The following ROCK1 variants were observed in gnomAD, a reference collection of about 807,000 sequenced individuals.
ROCK1 encodes the protein rho-associated protein kinase 1.
ROCK1 carries 36 observed loss-of-function variants against 196.8 expected under a neutral mutation model. The observed-to-expected ratio is 0.18, with a 90% CI of 0.14 to 0.24. ROCK1 has a LOEUF of 0.24. Among genes scored for constraint, ROCK1 ranks in the 10% least tolerant of loss-of-function variants. ROCK1 has a pLI of 1.00. For synonymous variants in ROCK1, 443 were observed against 515.9 expected, an observed-to-expected ratio of 0.86 and a Z score of 1.91; for missense variants, 920 against 1,562.0, an observed-to-expected ratio of 0.59 and a Z score of 6.93.
intron 16 of ROCK1, among the ~76,000 whole-genome samples, chr18:21,004,887 G>A (rs1175362005): frequency 2.6e-5 from 4 of 152,134 alleles, no homozygotes; most frequent in Non-Finnish European, 5.9e-5. Flanking sequence ...AAATATGATT[G>A]CACAACACTC....
At chr18:21,091,225 T>C (rs2036567328) in intron 1 of ROCK1, among the ~76,000 whole-genome samples, 1 of 152,180 alleles carries the variant, frequency 6.6e-6, no homozygotes, top group East Asian at 1.9e-4. Flanking sequence ...CTCCACTTAA[T>C]GAATAGTAAA....
At chr18:20,977,601 T>C (rs943369205) in intron 22 of ROCK1, among the ~76,000 whole-genome samples, 1 of 152,202 alleles carries the variant, frequency 6.6e-6, no homozygotes, top group African/African-American at 2.4e-5. Flanking sequence ...TTACTAATAA[T>C]TGGATAGCTG....
At chr18:21,034,543 A>C (rs1012470367) in intron 9 of ROCK1, among the ~76,000 whole-genome samples, 2 of 152,248 alleles carry the variant, frequency 1.3e-5, no homozygotes, top group African/African-American at 4.8e-5. Context: ...CTTTCAATGC[A>C]GGGAAAGGAC....
At chr18:21,047,184 C>A (rs2036167626) in intron 4 of ROCK1, among the ~76,000 whole-genome samples, 1 of 152,056 alleles carries the variant, frequency 6.6e-6, no homozygotes, top group African/African-American at 2.4e-5. Flanking sequence ...TGTAAATAGC[C>A]CTGAAAGTAA....
chr18:21,074,680 G>A (rs986304890), intron 1 of ROCK1, among the ~76,000 whole-genome samples: 9 of 152,190 alleles, frequency 5.9e-5, no homozygotes, highest in Admixed American at 2.0e-4. Context: ...TATGTATTTA[G>A]CTGTTATACT....
chr18:21,003,314 A>G (rs2035742084), intron 16 of ROCK1, among the ~76,000 whole-genome samples: 1 of 152,186 alleles, frequency 6.6e-6, no homozygotes, highest in African/African-American at 2.4e-5. Context: ...AATACAGATT[A>G]AAATAAACTT....
intron 2 of ROCK1, among the ~76,000 whole-genome samples, chr18:21,068,394 T>C (rs1425836800): frequency 1.3e-5 from 2 of 152,222 alleles, no homozygotes; most frequent in African/African-American, 4.8e-5. Context: ...CTATACTGTC[T>C]TGATATTGAC....
In ROCK1 at chr18:20,960,061, G is replaced by C. The variant is rs964983093; in HGVS notation, c.3423+75C>G. 4.3e-5 allele frequency: 48 copies of C among 1,124,808 alleles called. No individual in the cohort carries two copies. In the African/African-American group the frequency reaches 7.0e-4, roughly 16 times the overall value. The allele number at this position is 1,124,808 out of a possible 1,614,324, so 69.7% of individuals were successfully genotyped here. On this transcript the variant is annotated intron_variant, in intron 28 of 32. Transcript: ENST00000399799. ...AAATAAATGCTAGTAAAAAAAAGTA[G>C]CTAATATAAGTTCTATGCTCCAAAG...
chr18:20,962,161 C>A, intron 27 of ROCK1, among the ~76,000 whole-genome samples: 1 of 152,044 alleles, frequency 6.6e-6, no homozygotes, highest in Admixed American at 6.6e-5. Flanking sequence ...GTTTAAAAAC[C>A]AAACAGGCAG....
intron 9 of ROCK1, among the ~76,000 whole-genome samples, chr18:21,036,361 G>A (rs2036057076): frequency 6.6e-6 from 1 of 152,182 alleles, no homozygotes; most frequent in Non-Finnish European, 1.5e-5. Context: ...ACTATAGGTT[G>A]ATTAAGTAAC....
At chr18:21,033,854 T>TAAAAA (rs71269004) in intron 9 of ROCK1, among the ~76,000 whole-genome samples, 3,326 of 33,360 alleles carry the variant, frequency 0.1, 632 homozygotes, top group African/African-American at 0.13. Flanking sequence ...CCGTTTCTAC[T>TAAAAA]AAAAAAAAAA....
Position 21,028,881 on chromosome 18 carries a change from T to C in ROCK1, c.1106A>G (p.Asp369Gly). 1 of 1,612,538 alleles carries C rather than the reference T, an allele frequency of 6.2e-7. No individual in the cohort carries two copies. Residue 369 changes from aspartate (D) to glycine (G), a missense_variant, in exon 10 of 33, where the codon GAT becomes GGT. Transcript: ENST00000399799. ...CTCTCCTTTATCTTCTTCCAAGTCA[T>C]CAAAATTACTAGTATCAATGTCACT... ...LSSDIDTSNF[D>G]DLEEDKGEEE...
rs1265589804 is a variant in ROCK1 at position 20,950,380 on chromosome 18, A to T, written c.*1004T>A. ...AATGAAAAACTCACTGACACACATA[A>T]TTTTTTGAAAATACATTTTTTGAAA... is the stretch of plus-strand genomic sequence containing the variant. On this transcript the variant is annotated 3_prime_UTR_variant, in exon 33 of 33. Coordinates refer to ENST00000399799, the MANE Select transcript of ROCK1 (RefSeq NM_005406.3). The T allele has an allele frequency of 6.6e-6, 1 of 152,580 alleles. No homozygotes were observed. Among genetic ancestry groups the T allele is most frequent in the East Asian group, 1.9e-4 (1 of 5,208 alleles). 9.5% of individuals were successfully genotyped at this position (152,580 alleles called of 1,614,324 possible).
At chr18:21,049,615 G>A (rs1443461850) in intron 3 of ROCK1, among the ~76,000 whole-genome samples, 165 bp downstream of exon 3, 2 of 152,140 alleles carry the variant, frequency 1.3e-5, no homozygotes, top group Non-Finnish European at 2.9e-5. Flanking sequence ...TTCCCACTAT[G>A]GCTAGATTTG....
At chr18:21,032,356 A>G (rs143971556) in intron 9 of ROCK1, among the ~76,000 whole-genome samples, 288 of 152,312 alleles carry the variant, frequency 1.9e-3, no homozygotes, top group Middle Eastern at 3.4e-3. Flanking sequence ...ACGTTAACTA[A>G]TAAGAAAATG....
chr18:21,061,772 A>G (rs914281928), intron 2 of ROCK1, among the ~76,000 whole-genome samples: 3 of 152,212 alleles, frequency 2.0e-5, no homozygotes. Context: ...AACTAAGGCT[A>G]AAGACAAAAA....
At chr18:20,990,659 C>T (rs2035616534) in intron 18 of ROCK1, among the ~76,000 whole-genome samples, 2 of 124,520 alleles carry the variant, frequency 1.6e-5, no homozygotes, top group African/African-American at 6.4e-5. Flanking sequence ...CACCATTGCA[C>T]TCCAGCATGG....
intron 2 of ROCK1, among the ~76,000 whole-genome samples, chr18:21,055,535 T>G (rs561250184): frequency 3.9e-5 from 6 of 152,320 alleles, no homozygotes; most frequent in Non-Finnish European, 8.8e-5. Context: ...CATATTTTAC[T>G]ATGGGAGACT....
At chr18:21,054,847 A>G (rs146516002) in intron 2 of ROCK1, among the ~76,000 whole-genome samples, 36 of 152,144 alleles carry the variant, frequency 2.4e-4, no homozygotes, top group Non-Finnish European at 4.4e-4. Flanking sequence ...CCTTGTCATT[A>G]CTCATAATTA....
Sources: allele counts gnomAD v4.1 joint callset (sites outside exome capture counted in the v4.1 genomes callset), GRCh38; gene constraint gnomAD v4.1.1; transcripts MANE v1.5; gene names NCBI Gene and HGNC (gene_info 2026-07-23, HGNC 2026-07-21).